Variants in ATP8B4 observed in about 807,000 individuals in gnomAD.
ATP8B4 encodes the protein probable phospholipid-transporting ATPase IM.
ATP8B4 carries 133 observed loss-of-function variants against 145.6 expected under a neutral mutation model. The ratio of observed to expected loss-of-function variants is 0.91; its 90% CI spans 0.79 to 1.05. ATP8B4 has a LOEUF of 1.05. Among genes scored for constraint, ATP8B4 ranks in the 50% least tolerant of loss-of-function variants. ATP8B4 has a pLI of 0.00. For synonymous variants in ATP8B4, 507 were observed against 492.9 expected, an observed-to-expected ratio of 1.03 and a Z score of -0.38; for missense variants, 1,458 against 1,425.2, an observed-to-expected ratio of 1.02 and a Z score of -0.37.
At chr15:50,066,381 G>A (rs74425222) in intron 3 of ATP8B4, among the ~76,000 whole-genome samples, 8,139 of 152,182 alleles carry the variant, frequency 0.053, 237 homozygotes, top group Non-Finnish European at 0.064. Flanking sequence ...CATAACAAAT[G>A]CAAGTTACTG....
intron 4 of ATP8B4, among the ~76,000 whole-genome samples, chr15:50,047,025 C>A (rs1228386823): frequency 1.3e-5 from 2 of 152,156 alleles, no homozygotes. Context: ...TCAACTCTGG[C>A]AATCCCCACA....
At chr15:50,061,803 A>T (rs1346262495) in intron 3 of ATP8B4, among the ~76,000 whole-genome samples, 1 of 152,164 alleles carries the variant, frequency 6.6e-6, no homozygotes, top group Non-Finnish European at 1.5e-5. Flanking sequence ...ACACTACATA[A>T]ATGAAACATG....
intron 14 of ATP8B4, among the ~76,000 whole-genome samples, chr15:49,945,227 C>G (rs777126173): frequency 2.6e-5 from 4 of 151,860 alleles, no homozygotes; most frequent in Middle Eastern, 3.2e-3. Context: ...AAGAGACTTA[C>G]GAAAAGTTAT....
chr15:49,956,430 A>G (rs1463422500), intron 14 of ATP8B4, among the ~76,000 whole-genome samples: 2 of 152,176 alleles, frequency 1.3e-5, no homozygotes, highest in Non-Finnish European at 2.9e-5. Context: ...TTATATGACT[A>G]GTAAGTTCTA....
intron 1 of ATP8B4, among the ~76,000 whole-genome samples, chr15:50,167,641 A>G (rs1229644908): frequency 1.3e-5 from 2 of 152,168 alleles, no homozygotes; most frequent in Non-Finnish European, 2.9e-5. Flanking sequence ...GCAGCGCGAG[A>G]CACATTTGAT....
chr15:49,938,827 A>C (rs190302662), intron 14 of ATP8B4, among the ~76,000 whole-genome samples: 43 of 152,292 alleles, frequency 2.8e-4, no homozygotes, highest in African/African-American at 1.0e-3. Flanking sequence ...TGCACGTGAC[A>C]CATACTCCAA....
chr15:50,169,709 G>T (rs2044643980), intron 1 of ATP8B4, among the ~76,000 whole-genome samples: 2 of 152,198 alleles, frequency 1.3e-5, no homozygotes, highest in African/African-American at 4.8e-5. Context: ...AATAATTCAG[G>T]AGGTTAGTTA....
chr15:49,987,004 T>A (rs74901286), intron 10 of ATP8B4, among the ~76,000 whole-genome samples: 232 of 152,256 alleles, frequency 1.5e-3, no homozygotes, highest in Non-Finnish European at 2.8e-3. Flanking sequence ...CTTTGCAAAC[T>A]ACAAAATTAA....
chr15:50,067,119 TAAC>T (rs2053436763), intron 3 of ATP8B4, among the ~76,000 whole-genome samples: 1 of 152,074 alleles, frequency 6.6e-6, no homozygotes, highest in Non-Finnish European at 1.5e-5. Context: ...CATCACTGCT[TAAC>T]AAGCCTCACT....
chr15:49,925,312 T>A (rs1156400933), intron 16 of ATP8B4, among the ~76,000 whole-genome samples: 1 of 152,154 alleles, frequency 6.6e-6, no homozygotes, highest in Non-Finnish European at 1.5e-5. Flanking sequence ...CTTTGTAACA[T>A]CTAGTTTAAT....
chr15:49,916,835 G>C, intron 20 of ATP8B4, 99 bp downstream of exon 20: 1 of 1,134,190 alleles, frequency 8.8e-7, no homozygotes, highest in Middle Eastern at 2.0e-4. Flanking sequence ...TAAGACCACA[G>C]GAAACTATAG....
At chr15:50,078,139 G>T (rs913029595) in intron 2 of ATP8B4, among the ~76,000 whole-genome samples, 4 of 151,906 alleles carry the variant, frequency 2.6e-5, no homozygotes, top group Non-Finnish European at 5.9e-5. Context: ...TTAGTGCCTT[G>T]AATATATATA....
chr15:49,882,716 G>A (rs952540966), intron 23 of ATP8B4, among the ~76,000 whole-genome samples: 44 of 152,246 alleles, frequency 2.9e-4, no homozygotes, highest in African/African-American at 1.0e-3. Context: ...ATATGGTAAA[G>A]TTATAAAACA....
chr15:49,981,332 TATG>T, intron 10 of ATP8B4, 38 bp from the exon 11 acceptor site: 1 of 1,425,524 alleles, frequency 7.0e-7, no homozygotes, highest in Non-Finnish European at 9.7e-7. Flanking sequence ...TTTGAAATGA[TATG>T]ATTATGTATT....
At chr15:50,063,100 C>T (rs1452680017) in intron 3 of ATP8B4, among the ~76,000 whole-genome samples, 1 of 149,772 alleles carries the variant, frequency 6.7e-6, no homozygotes, top group African/African-American at 2.5e-5. Context: ...AAAAAAAAAG[C>T]CTTTCTGCTT....
At chr15:50,173,702 A>G (rs897800486) in intron 1 of ATP8B4, among the ~76,000 whole-genome samples, 6 of 152,018 alleles carry the variant, frequency 3.9e-5, no homozygotes, top group African/African-American at 1.5e-4. Context: ...ATCAATAAAT[A>G]CTAAAAAAAT....
At chr15:49,932,807 C>G (rs1371599664) in intron 15 of ATP8B4, among the ~76,000 whole-genome samples, 1 of 151,936 alleles carries the variant, frequency 6.6e-6, no homozygotes, top group Non-Finnish European at 1.5e-5. Context: ...AAAACTGGGT[C>G]CCCCAAAGAC....
At chr15:50,133,912 G>T (rs774507663) in intron 1 of ATP8B4, among the ~76,000 whole-genome samples, 6 of 152,088 alleles carry the variant, frequency 3.9e-5, no homozygotes, top group Non-Finnish European at 8.8e-5. Context: ...AAGGCAGGAG[G>T]ATCGCTGAGG....
intron 1 of ATP8B4, among the ~76,000 whole-genome samples, chr15:50,108,137 T>C (rs2056772641): frequency 1.3e-5 from 2 of 152,002 alleles, no homozygotes; most frequent in African/African-American, 4.8e-5. Context: ...ACTCCCCTGT[T>C]GCTCCCTCCA....
Sources: gnomAD v4.1 joint callset for allele counts (sites outside exome capture counted in the v4.1 genomes callset) on GRCh38, gnomAD v4.1.1 for gene constraint, MANE v1.5 for transcripts, NCBI Gene and HGNC (gene_info 2026-07-23, HGNC 2026-07-21) for gene names.